Variants in YBX2 observed in about 807,000 individuals in gnomAD.
The protein encoded by YBX2 is Y-box-binding protein 2.
In YBX2, 5 loss-of-function variants were observed where a neutral mutation model predicts 44.4. The observed-to-expected ratio is 0.11, with a 90% confidence interval of 0.06 to 0.24. The LOEUF (loss-of-function observed/expected upper bound fraction) is 0.24. Among genes scored for constraint, YBX2 ranks in the 10% least tolerant of loss-of-function variants. YBX2 has a pLI of 1.00. For synonymous variants in YBX2, 188 were observed against 216.1 expected, an observed-to-expected ratio of 0.87 and a Z score of 1.14; for missense variants, 417 against 526.9, an observed-to-expected ratio of 0.79 and a Z score of 2.04.
In YBX2 at chr17:7,290,453, C is replaced by T. The variant is rs534345120; in HGVS notation, c.542G>A (p.Arg181His). The T allele has an allele frequency of 1.0e-4, 161 of 1,613,906 alleles. No homozygotes were observed. The highest frequency in any genetic ancestry group is 1.3e-4 in the Non-Finnish European group (155 of 1,179,978). Residue 181 changes from arginine to histidine, a missense_variant, in exon 5 of 9, where the codon CGC (arginine) becomes CAC (histidine). Physicochemically the swap from Arg to His is conservative, Grantham distance 29 (BLOSUM62 0). Around this residue, in one of 3 missense-constraint regions of YBX2, gnomAD observed 39 missense variants for 123.8 expected, o/e 0.32. Coordinates refer to ENST00000007699, the MANE Select transcript of YBX2 (RefSeq NM_015982.4). Reference sequence around the variant, plus strand: ...TGAGGGAGGCCGGGGGATGAATCGGCGGGACTTACGTCGGTTGGGGGCATA... The same window carrying T: ...TGAGGGAGGCCGGGGGATGAATCGGTGGGACTTACGTCGGTTGGGGGCATA... ...SRYAPNRRKS[R>H]RFIPRPPSVA...
intron 6 of YBX2, 78 bp downstream of exon 6, chr17:7,289,890 C>A (rs991826608): frequency 1.3e-6 from 2 of 1,596,824 alleles, no homozygotes; most frequent in African/African-American, 1.3e-5. Flanking sequence ...TAGAGCTTCA[C>A]CCTTCCATCC....
chr17:7,289,767 C>T (rs773285176), intron 6 of YBX2, 42 bp from the exon 7 acceptor site: 3 of 1,611,190 alleles, frequency 1.9e-6, no homozygotes, highest in South Asian at 2.2e-5. Context: ...AGGGAATACT[C>T]CCTCCCCAGG....
Position 7,294,412 on chromosome 17 carries a change from A to G in YBX2, c.89T>C (p.Val30Ala). 1 of 1,458,276 alleles carries G rather than the reference A, an allele frequency of 6.9e-7. No individual in the cohort carries two copies. Among genetic ancestry groups the G allele is most frequent in the Non-Finnish European group, 9.0e-7 (1 of 1,108,062 alleles). 90.3% of individuals were successfully genotyped at this position (1,458,276 alleles called of 1,614,324 possible). ...ATAAGVVAVV[V>A]PVPAGEPQKG... ...CTGCGGCTCCCCTGCGGGCACCGGT[A>G]CCACCACCGCTACCACCCCTGCCGC... The change falls in exon 1 of 9, where the codon GTA becomes GCA. Residue 30 changes from valine (V) to alanine (A), a missense_variant. By Grantham distance (64) the Val-to-Ala change is moderately conservative. Transcript: ENST00000007699. This position sits in a 1 kb window ranked among gnomAD's most constrained non-coding sequence, Gnocchi z 4.6.
In YBX2 at chr17:7,288,531, T is replaced by A; in HGVS notation, c.*152A>T. ...AAGCAAAAGGCTGCTGCTTTGGTCC[T>A]CCTGAGTCTCAAGGAAAAGGTGAAA... is the stretch of plus-strand genomic sequence containing the variant. On this transcript the variant is annotated 3_prime_UTR_variant, in exon 9 of 9. Transcript: ENST00000007699. 2.1e-6 allele frequency: 1 copy of A among 482,128 alleles called. No homozygotes were observed. The highest frequency in any genetic ancestry group is 3.8e-6 in the Non-Finnish European group (1 of 263,314). The allele number at this position is 482,128 out of a possible 1,614,324, so 29.9% of individuals were successfully genotyped here. A position where few individuals can be genotyped will look rare whatever the true frequency, so the allele number is the denominator to read the frequency against.
In YBX2 at chr17:7,294,031, C is replaced by A; in HGVS notation, c.271+199G>T. The A allele has an allele frequency of 1.6e-6, 1 of 607,488 alleles. No homozygotes were observed. The highest frequency in any genetic ancestry group is 1.9e-5 in the African/African-American group (1 of 52,288). 37.6% of individuals were successfully genotyped at this position (607,488 alleles called of 1,614,324 possible). ...CCAAGACCTTAGCTGAACCTGCCGG[C>A]CCCGCCCTCTCTCCCAGGAAGGTAC... On this transcript the variant is annotated intron_variant, in intron 1 of 8. Transcript: ENST00000007699. The surrounding 1 kb of genome is among the most constrained non-coding windows in gnomAD (Gnocchi z 4.6).
At position 7,289,048 on chromosome 17, in the gene YBX2, G is replaced by A. The variant is rs556204877; in HGVS notation, c.1045-210C>T. 3.9e-3 allele frequency among the ~76,000 whole-genome samples: 600 copies of A among 152,224 alleles called. 3 individuals carry two copies. The highest frequency in any genetic ancestry group is 7.1e-3 in the Non-Finnish European group (482 of 68,026). On this transcript the variant is annotated intron_variant, in intron 7 of 8. Transcript: ENST00000007699. ...GGCTAATTTTTGTATCTTTAGTAGA[G>A]ACGGGGTTTCTCCATGTTGGTCAGG...
chr17:7,290,987 G>A (rs1453316736), intron 4 of YBX2, 106 bp downstream of exon 4: 14 of 1,121,244 alleles, frequency 1.2e-5, no homozygotes, highest in Middle Eastern at 2.8e-4. Flanking sequence ...TCCCATTCCC[G>A]CAGAACGGGT....
intron 7 of YBX2, 92 bp from the exon 8 acceptor site, chr17:7,288,930 T>C: frequency 6.6e-7 from 1 of 1,508,420 alleles, no homozygotes; most frequent in Non-Finnish European, 9.2e-7. Context: ...TGGCGTGATC[T>C]TGGCTCACTG....
chr17:7,291,905 G>A lies in YBX2; in HGVS notation c.369+121C>T. 7.6e-7 allele frequency: 1 copy of A among 1,308,522 alleles called. No homozygotes were observed. Among genetic ancestry groups the A allele is most frequent in the South Asian group, 1.2e-5 (1 of 83,040 alleles). 81.1% of individuals were successfully genotyped at this position (1,308,522 alleles called of 1,614,324 possible). A position where few individuals can be genotyped will look rare whatever the true frequency, so the allele number is the denominator to read the frequency against. ...AATGGTGGTTGACACAGGCACCCAA[G>A]GCGGATGGGCCGTTGTGAAGAAGAG... is the stretch of plus-strand genomic sequence containing the variant. On this transcript the variant is annotated intron_variant, in intron 3 of 8. Coordinates refer to ENST00000007699, the MANE Select transcript of YBX2 (RefSeq NM_015982.4). The surrounding 1 kb of genome is among the most constrained non-coding windows in gnomAD (Gnocchi z 5.8).
chr17:7,290,421 G>T lies in YBX2; in HGVS notation c.574C>A (p.Pro192Thr). 2.5e-6 allele frequency: 4 copies of T among 1,614,106 alleles called. No individual in the cohort carries two copies. Among genetic ancestry groups the T allele is most frequent in the Non-Finnish European group, 2.5e-6 (3 of 1,180,030 alleles). Residue 192 changes from proline (P) to threonine (T), a missense_variant, in exon 5 of 9, where the codon CCA (proline) becomes ACA (threonine). By Grantham distance (38) the Pro-to-Thr change is conservative. Transcript: ENST00000007699. ...RFIPRPPSVA[P>T]PPMVAEIPSA... ...GGGATCTCTGCCACCATGGGTGGTG[G>T]GGCAACTGAGGGAGGCCGGGGGATG... is the stretch of plus-strand genomic sequence containing the variant.
rs770120593 is a variant in YBX2 at position 7,290,375 on chromosome 17, C to A, written c.620G>T (p.Gly207Val). The A allele has an allele frequency of 6.2e-7, 1 of 1,613,898 alleles. No homozygotes were observed. The highest frequency in any genetic ancestry group is 8.5e-7 in the Non-Finnish European group (1 of 1,179,976). Residue 207 changes from glycine to valine, a missense_variant, in exon 5 of 9, where the codon GGC becomes GTC. Gly to Val is a moderately radical substitution (Grantham distance 109). Around this residue, in one of 3 missense-constraint regions of YBX2, gnomAD observed 257 missense variants for 261.7 expected, o/e 0.98. Coordinates refer to ENST00000007699, the MANE Select transcript of YBX2 (RefSeq NM_015982.4). ...AEIPSAGTGP[G>V]SKGERAEDSG... The stretch of plus-strand genomic sequence containing the variant: ...GTCTTCAGCCCGCTCCCCTTTACTG[C>A]CAGGTCCTGTCCCCGCCGAGGGGAT...
Position 7,290,396 on chromosome 17 carries a change from G to A in YBX2, c.599C>T (p.Pro200Leu). 1 of 1,613,914 alleles carries A rather than the reference G, an allele frequency of 6.2e-7. No individual in the cohort carries two copies. Among genetic ancestry groups the A allele is most frequent in the Non-Finnish European group, 8.5e-7 (1 of 1,179,978 alleles). ...ACTGCCAGGTCCTGTCCCCGCCGAG[G>A]GGATCTCTGCCACCATGGGTGGTGG... ...VAPPPMVAEIPSAGTGPGSKG... is the reference protein window; with the variant it reads ...VAPPPMVAEILSAGTGPGSKG... The change falls in exon 5 of 9, where the codon CCC (proline) becomes CTC (leucine). Residue 200 changes from proline (P) to leucine (L), a missense_variant. Pro to Leu is a moderately conservative substitution (Grantham distance 98). Coordinates refer to ENST00000007699, the MANE Select transcript of YBX2 (RefSeq NM_015982.4).
At chr17:7,289,937 G>C (rs764518675) in intron 6 of YBX2, 31 bp downstream of exon 6, 5 of 1,612,266 alleles carry the variant, frequency 3.1e-6, no homozygotes, top group Non-Finnish European at 3.4e-6. Flanking sequence ...CACTGGAAGG[G>C]GAAGACCAAG....
Position 7,289,589 on chromosome 17 carries a change from G to A in YBX2, c.985C>T (p.Arg329Trp), listed in dbSNP as rs377342378. 2.9e-5 allele frequency: 46 copies of A among 1,613,340 alleles called. No individual in the cohort carries two copies. Among genetic ancestry groups the A allele is most frequent in the African/African-American group, 6.7e-5 (5 of 74,902 alleles). Residue 329 changes from arginine (R) to tryptophan (W), a missense_variant, in exon 7 of 9, where the codon CGG becomes TGG. Physicochemically the swap from Arg to Trp is moderately radical, Grantham distance 101 (BLOSUM62 -3). Coordinates refer to ENST00000007699, the MANE Select transcript of YBX2 (RefSeq NM_015982.4). ...PRNRPYFQRR[R>W]QQAPGPQQAP... ...TGCTGGGGGCCAGGGGCCTGCTGCC[G>A]TCTCCGCTGGAAGTAGGGGCGGTTT...
At chr17:7,293,853 G>A (rs574546937) in intron 1 of YBX2, 1 of 537,372 alleles carries the variant, frequency 1.9e-6, no homozygotes, top group East Asian at 3.3e-5. Context: ...CCGCCCCCAG[G>A]TCATAACTGA....
chr17:7,291,681 C>A lies in YBX2; in HGVS notation c.369+345G>T. 2.5e-6 allele frequency: 1 copy of A among 399,430 alleles called. No individual in the cohort carries two copies. The highest frequency in any genetic ancestry group is 2.4e-5 in the South Asian group (1 of 41,580). The allele number at this position is 399,430 out of a possible 1,614,324, so 24.7% of individuals were successfully genotyped here. ...AGGTCTGGGGTGGGACCTGAGAATT[C>A]GGATGTCAGGTGATGCTGCTGCCGC... On this transcript the variant is annotated intron_variant, in intron 3 of 8. Transcript: ENST00000007699. This position sits in a 1 kb window ranked among gnomAD's most constrained non-coding sequence, Gnocchi z 5.8.
In YBX2 at chr17:7,294,494, C is replaced by T; in HGVS notation, c.7G>A (p.Glu3Lys). Reference sequence around the variant, plus strand: ...GTAGCCCCCGCTGCCGCCTCCACCTCGCTCATCCCGCCGGGTCCAGTACCG... The same window carrying T: ...GTAGCCCCCGCTGCCGCCTCCACCTTGCTCATCCCGCCGGGTCCAGTACCG... MS[E>K]VEAAAGATAV... is the part of the protein sequence containing the mutation. Residue 3 changes from glutamate (E) to lysine (K), a missense_variant, in exon 1 of 9, where the codon GAG (glutamate) becomes AAG (lysine). Physicochemically the swap from Glu to Lys is moderately conservative, Grantham distance 56 (BLOSUM62 1). Around this residue, in one of 3 missense-constraint regions of YBX2, gnomAD observed 121 missense variants for 141.3 expected, o/e 0.86. Transcript: ENST00000007699. This position sits in a 1 kb window ranked among gnomAD's most constrained non-coding sequence, Gnocchi z 4.6. The T allele has an allele frequency of 6.8e-7, 1 of 1,469,608 alleles. No individual in the cohort carries two copies. The highest frequency in any genetic ancestry group is 9.0e-7 in the Non-Finnish European group (1 of 1,112,636). 91.0% of individuals were successfully genotyped at this position (1,469,608 alleles called of 1,614,324 possible).
intron 2 of YBX2, chr17:7,292,312 G>A: frequency 1.9e-6 from 1 of 518,972 alleles, no homozygotes; most frequent in Non-Finnish European, 3.5e-6. Context: ...GGGAGGCAAA[G>A]GCACCTTGAG....
rs1344809952 is a variant in YBX2 at position 7,291,522 on chromosome 17, T to C, written c.370-340A>G. On this transcript the variant is annotated intron_variant, in intron 3 of 8. Coordinates refer to ENST00000007699, the MANE Select transcript of YBX2 (RefSeq NM_015982.4). The surrounding 1 kb of genome is among the most constrained non-coding windows in gnomAD (Gnocchi z 5.8). ...GTCGCAAAGTGGGTAGAATGCACTG[T>C]GCTTCTTACCTCAGTCCCAGTGAGA... 2.4e-6 allele frequency: 1 copy of C among 414,082 alleles called. No homozygotes were observed. Among genetic ancestry groups the C allele is most frequent in the Admixed American group, 3.6e-5 (1 of 28,078 alleles). 25.7% of individuals were successfully genotyped at this position (414,082 alleles called of 1,614,324 possible). A position where few individuals can be genotyped will look rare whatever the true frequency, so the allele number is the denominator to read the frequency against.
Sources: allele counts gnomAD v4.1 joint callset (sites outside exome capture counted in the v4.1 genomes callset), GRCh38; gene constraint gnomAD v4.1.1; regional missense constraint gnomAD v4.1.1; non-coding constraint Gnocchi (gnomAD v3.1); transcripts MANE v1.5; gene names NCBI Gene and HGNC (gene_info 2026-07-23, HGNC 2026-07-21).